The following ASB15 variants were observed in gnomAD, a reference collection of about 807,000 sequenced individuals.
ASB15 encodes ankyrin repeat and SOCS box containing 15, also known as ankyrin repeat and SOCS box protein 15.
In ASB15, 54 loss-of-function variants were observed where a neutral mutation model predicts 58.0. The observed-to-expected ratio is 0.93, with a 90% confidence interval of 0.75 to 1.17. The LOEUF is 1.17. Among genes scored for constraint, ASB15 ranks in the 50% most tolerant of loss-of-function variants. The probability of loss-of-function intolerance (pLI) is 0.00; values close to 1 mark genes in which losing one functional copy is unlikely to be tolerated. For missense variants in ASB15, 680 were observed against 707.4 expected, an observed-to-expected ratio of 0.96 and a Z score of 0.44; for synonymous variants, 249 against 262.4, an observed-to-expected ratio of 0.95 and a Z score of 0.50.
intron 1 of ASB15, among the ~76,000 whole-genome samples, chr7:123,602,342 C>T (rs1249474434): frequency 1.3e-5 from 2 of 151,726 alleles, no homozygotes; most frequent in East Asian, 3.9e-4. Flanking sequence ...TGCTTTCTGC[C>T]CAGATTGAAA....
intron 1 of ASB15, among the ~76,000 whole-genome samples, chr7:123,593,223 C>A (rs551941445): frequency 6.6e-6 from 1 of 152,092 alleles, no homozygotes; most frequent in Admixed American, 6.6e-5. Context: ...GACTTTTTAT[C>A]CAATTTGCCA....
chr7:123,576,265 T>C (rs1012269924), intron 1 of ASB15, among the ~76,000 whole-genome samples: 1 of 151,942 alleles, frequency 6.6e-6, no homozygotes, highest in African/African-American at 2.4e-5. Context: ...GATCTTCCTC[T>C]ATTTTATTTG....
upstream of ASB15, among the ~76,000 whole-genome samples, chr7:123,600,734 TAA>T (rs1799848731): frequency 1.3e-5 from 2 of 152,168 alleles, no homozygotes; most frequent in African/African-American, 2.4e-5. Context: ...TTATCACAGT[TAA>T]AGAGGAGTTA....
chr7:123,601,114 G>A (rs1214345012), upstream of ASB15, among the ~76,000 whole-genome samples: 1 of 152,162 alleles, frequency 6.6e-6, no homozygotes, highest in Non-Finnish European at 1.5e-5. Flanking sequence ...GGTGGCCTGA[G>A]TTAATCCAAG....
rs564356842 is a variant in ASB15, at chr7:123,624,917, C to T, written c.697+103C>T. ...TCACCTGAATGTAACTAGGGGAGCT[C>T]CTCTTCCTCTGCTGAATGGAACTTG... On this transcript the variant is annotated intron_variant, in intron 8 of 11. Coordinates refer to ENST00000451215, the MANE Select transcript of ASB15 (RefSeq NM_001290258.2). 59 of 1,362,320 alleles carry T rather than the reference C, an allele frequency of 4.3e-5. No individual in the cohort carries two copies. The African/African-American group carries it at 8.1e-4, about 19-fold the overall frequency. The allele number at this position is 1,362,320 out of a possible 1,614,324, so 84.4% of individuals were successfully genotyped here.
chr7:123,635,655 G>A (rs1394968805), intron 11 of ASB15, among the ~76,000 whole-genome samples: 4 of 111,134 alleles, frequency 3.6e-5, no homozygotes, highest in Non-Finnish European at 6.8e-5. Context: ...ATCCAAGTAA[G>A]AATAAGGCCA....
At chr7:123,588,136 A>T (rs1799427505) in intron 1 of ASB15, among the ~76,000 whole-genome samples, 1 of 151,962 alleles carries the variant, frequency 6.6e-6, no homozygotes, top group East Asian at 1.9e-4. Flanking sequence ...GTTTGAAAAA[A>T]TTCAAAAGTG....
Position 123,629,224 on chromosome 7 carries a change from T to C in ASB15, c.1230T>C (p.Phe410=). The change falls in exon 10 of 12, where the codon TTT becomes TTC. Residue 410 remains phenylalanine (F), a synonymous_variant. Transcript: ENST00000451215. ...LSHGANVNCY[F]MHVNDTRFPS... is the part of the protein sequence containing the mutation. ...ATGGAGCTAATGTCAATTGTTATTTTATGCATGTGAATGACACTCGTTTCC... is the reference window on the plus strand; with the variant it reads ...ATGGAGCTAATGTCAATTGTTATTTCATGCATGTGAATGACACTCGTTTCC... 1.2e-6 allele frequency: 2 copies of C among 1,614,018 alleles called. No individual in the cohort carries two copies. Among genetic ancestry groups the C allele is most frequent in the South Asian group, 1.1e-5 (1 of 91,082 alleles).
At chr7:123,594,184 CT>C (rs1251013380) in intron 1 of ASB15, among the ~76,000 whole-genome samples, 1 of 151,980 alleles carries the variant, frequency 6.6e-6, no homozygotes, top group Non-Finnish European at 1.5e-5. Flanking sequence ...TTCCTCTAAC[CT>C]TTTTTCAAGG....
intron 1 of ASB15, among the ~76,000 whole-genome samples, chr7:123,578,155 T>C (rs1472916801): frequency 2.0e-5 from 3 of 149,406 alleles, no homozygotes; most frequent in Non-Finnish European, 4.4e-5. Context: ...AATAGTAAAA[T>C]AAATTTCAAA....
At chr7:123,619,669 G>A (rs1300149612) in intron 7 of ASB15, among the ~76,000 whole-genome samples, 10 of 152,006 alleles carry the variant, frequency 6.6e-5, no homozygotes, top group South Asian at 4.2e-4. Flanking sequence ...GACTACAGGC[G>A]CCCGCCACCA....
intron 1 of ASB15, among the ~76,000 whole-genome samples, chr7:123,595,866 A>G (rs1175759573): frequency 6.6e-6 from 1 of 152,214 alleles, no homozygotes; most frequent in East Asian, 1.9e-4. Context: ...AAAATTACCC[A>G]GACATTCCAA....
intron 3 of ASB15, chr7:123,614,148 C>T: frequency 8.7e-6 from 2 of 230,088 alleles, no homozygotes; most frequent in Non-Finnish European, 8.3e-6. Flanking sequence ...GTTATGTACA[C>T]ACTCTCCAAG....
chr7:123,635,397 G>A (rs771858044), intron 11 of ASB15, among the ~76,000 whole-genome samples: 1 of 151,972 alleles, frequency 6.6e-6, no homozygotes, highest in African/African-American at 2.4e-5. Flanking sequence ...TTTTAGCTTG[G>A]AGATTGCAAG....
intron 1 of ASB15, among the ~76,000 whole-genome samples, chr7:123,592,057 T>C (rs1035175706): frequency 5.9e-5 from 9 of 152,206 alleles, no homozygotes; most frequent in Non-Finnish European, 1.2e-4. Flanking sequence ...AATTTATCCA[T>C]TTCTTCTAGA....
chr7:123,627,842 TA>T (rs1801894522), intron 9 of ASB15, among the ~76,000 whole-genome samples: 1 of 152,206 alleles, frequency 6.6e-6, no homozygotes, highest in Non-Finnish European at 1.5e-5. Flanking sequence ...ATCCCTATAT[TA>T]AACTACCCAC....
At chr7:123,630,455 G>T (rs1419237232) in intron 11 of ASB15, among the ~76,000 whole-genome samples, 1 of 152,118 alleles carries the variant, frequency 6.6e-6, no homozygotes, top group Non-Finnish European at 1.5e-5. Flanking sequence ...TGTTATATTT[G>T]CAAGGCTTAG....
Position 123,624,699 on chromosome 7 carries a change from TCTGCTG to T in ASB15, c.586_591del (p.Leu196_Leu197del). 1 of 1,614,132 alleles carries T rather than the reference TCTGCTG, an allele frequency of 6.2e-7. No homozygotes were observed. Among genetic ancestry groups the T allele is most frequent in the Non-Finnish European group, 8.5e-7 (1 of 1,180,026 alleles). ...AGCAAGGCCGAAAAGATATCGTAGC[TCTGCTG>T]CTGAAACATGGAGGCAATGTCCACC... On this transcript the variant is annotated inframe_deletion, in exon 8 of 12. Transcript: ENST00000451215.
At chr7:123,627,072 C>A (rs772192381) in intron 8 of ASB15, 38 bp from the exon 9 acceptor site, 1 of 1,580,990 alleles carries the variant, frequency 6.3e-7, no homozygotes, top group Non-Finnish European at 8.6e-7. Flanking sequence ...TTAAACAATA[C>A]CATCCAGTTA....
Sources: allele counts gnomAD v4.1 joint callset (sites outside exome capture counted in the v4.1 genomes callset), GRCh38; gene constraint gnomAD v4.1.1; transcripts MANE v1.5; gene names NCBI Gene and HGNC (gene_info 2026-07-23, HGNC 2026-07-21).